Variants in HS6ST2 observed in about 807,000 individuals in gnomAD.
HS6ST2 encodes the protein heparan sulfate 6-O-sulfotransferase 2.
Under a neutral mutation model 33.0 loss-of-function variants are expected in HS6ST2, and 17 were observed. The ratio of observed to expected loss-of-function variants is 0.52; its 90% CI spans 0.35 to 0.77. The LOEUF (loss-of-function observed/expected upper bound fraction) is 0.77, where lower values mean the gene tolerates loss of function less well. Among genes scored for constraint, HS6ST2 ranks in the 30% least tolerant of loss-of-function variants. HS6ST2 has a pLI of 0.01. For synonymous variants in HS6ST2, 248 were observed against 237.1 expected, an observed-to-expected ratio of 1.05 and a Z score of -0.42; for missense variants, 519 against 551.7, an observed-to-expected ratio of 0.94 and a Z score of 0.59.
chrX:132,651,766 T>C (rs2063694448), intron 4 of HS6ST2, among the ~76,000 whole-genome samples: 1 of 111,679 alleles, frequency 9.0e-6, no homozygotes, highest in Non-Finnish European at 1.9e-5. Context: ...AGTTCACTGC[T>C]GGGCCTGCCT....
intron 2 of HS6ST2, among the ~76,000 whole-genome samples, chrX:132,862,614 T>C (rs1428061214): frequency 8.9e-6 from 1 of 112,371 alleles, no homozygotes; most frequent in African/African-American, 3.2e-5. Flanking sequence ...CTAAACAAAA[T>C]TAAAACTTTA....
intron 2 of HS6ST2, chrX:132,708,699 G>A (rs1017782009): frequency 1.1e-5 from 4 of 364,144 alleles, no homozygotes; most frequent in African/African-American, 1.1e-4. Context: ...AGGCTAAAAG[G>A]GGCAAGGCTG....
At chrX:132,930,094 C>CA (rs1451983509) in intron 2 of HS6ST2, among the ~76,000 whole-genome samples, 3 of 111,574 alleles carry the variant, frequency 2.7e-5, no homozygotes, top group Non-Finnish European at 5.6e-5. Flanking sequence ...CCAATTGTGG[C>CA]AAGTAGCCCA....
At chrX:132,811,812 T>G (rs896116548) in intron 2 of HS6ST2, among the ~76,000 whole-genome samples, 5 of 100,744 alleles carry the variant, frequency 5.0e-5, no homozygotes, top group African/African-American at 1.8e-4. Flanking sequence ...CCTCATGTAT[T>G]TATTATCCTT....
At position 132,774,191 on chromosome X, in the gene HS6ST2, C is replaced by T. The variant is rs150937585; in HGVS notation, c.948-65697G>A. 3.0e-4 allele frequency among the ~76,000 whole-genome samples: 34 copies of T among 112,047 alleles called. No individual in the cohort carries two copies. The East Asian group carries it at 9.3e-3, about 31-fold the overall frequency. On this transcript the variant is annotated intron_variant, in intron 2 of 4. Coordinates refer to ENST00000370833, the MANE Select transcript of HS6ST2 (RefSeq NM_001394073.1). Reference sequence around the variant, plus strand: ...AGAATGGACATAACAAAGTCCCTGCCCTCATAAATTTCACATTCCGAGGAC... The same window carrying T: ...AGAATGGACATAACAAAGTCCCTGCTCTCATAAATTTCACATTCCGAGGAC...
intron 2 of HS6ST2, among the ~76,000 whole-genome samples, chrX:132,880,209 C>T (rs1402980690): frequency 4.5e-5 from 5 of 111,370 alleles, no homozygotes; most frequent in African/African-American, 6.5e-5. Context: ...CTCTCTACTG[C>T]CCCCAACCAA....
intron 2 of HS6ST2, among the ~76,000 whole-genome samples, chrX:132,869,399 C>T (rs772245197): frequency 1.8e-5 from 2 of 111,906 alleles, no homozygotes; most frequent in Non-Finnish European, 3.8e-5. Flanking sequence ...AGAGGGACGC[C>T]TCCCTAACTC....
In HS6ST2 at chrX:132,723,057, CA is replaced by C. The variant is rs1285070260; in HGVS notation, c.948-14564del. Reference sequence around the variant, plus strand: ...GTGGCCAGTATGAGCAAGTATATGCCAAAAAATTGGAAAATCCAGAAGAAAT... The same window carrying C: ...GTGGCCAGTATGAGCAAGTATATGCCAAAAATTGGAAAATCCAGAAGAAAT... On this transcript the variant is annotated intron_variant, in intron 2 of 4. Coordinates refer to ENST00000370833, the MANE Select transcript of HS6ST2 (RefSeq NM_001394073.1). Among the ~76,000 whole-genome samples the C allele has an allele frequency of 3.6e-5, 4 of 110,737 alleles. No homozygotes were observed. The Admixed American group carries it at 3.8e-4, about 11-fold the overall frequency.
At chrX:132,671,556 A>G (rs1019935855) in intron 3 of HS6ST2, among the ~76,000 whole-genome samples, 1 of 107,736 alleles carries the variant, frequency 9.3e-6, no homozygotes, top group African/African-American at 3.4e-5. Flanking sequence ...GACCCTGTTT[A>G]AGCTCAATGC....
At chrX:132,810,790 G>A (rs2065333323) in intron 2 of HS6ST2, among the ~76,000 whole-genome samples, 1 of 112,175 alleles carries the variant, frequency 8.9e-6, no homozygotes, top group Non-Finnish European at 1.9e-5. Flanking sequence ...TTGAGGATGA[G>A]AGGCCACGTA....
At chrX:132,879,338 T>C (rs2066141382) in intron 2 of HS6ST2, among the ~76,000 whole-genome samples, 1 of 111,780 alleles carries the variant, frequency 8.9e-6, no homozygotes, top group Non-Finnish European at 1.9e-5. Context: ...CAGCCACCCA[T>C]CATAGAAATC....
At chrX:132,875,165 CAGATTGG>C (rs1273879368) in intron 2 of HS6ST2, among the ~76,000 whole-genome samples, 1 of 112,020 alleles carries the variant, frequency 8.9e-6, no homozygotes, top group Non-Finnish European at 1.9e-5. Context: ...GGAAGGAGTT[CAGATTGG>C]AGACTATGGT....
At chrX:132,759,630 T>G (rs975435398) in intron 2 of HS6ST2, among the ~76,000 whole-genome samples, 2 of 111,383 alleles carry the variant, frequency 1.8e-5, no homozygotes, top group African/African-American at 3.3e-5. Context: ...TGCCACTGAA[T>G]AGTATAATTT....
chrX:132,649,924 T>C (rs752619068), intron 4 of HS6ST2, among the ~76,000 whole-genome samples: 2 of 108,444 alleles, frequency 1.8e-5, no homozygotes, highest in East Asian at 2.9e-4. Context: ...CTTAGAGAGG[T>C]GAAGTAATAA....
At chrX:132,629,173 T>C (rs2063500546) in intron 4 of HS6ST2, 80 bp from the exon 5 acceptor site, 1 of 1,043,301 alleles carries the variant, frequency 9.6e-7, no homozygotes, top group Non-Finnish European at 1.3e-6. Flanking sequence ...GCATATGTGG[T>C]GTTCACTGGC....
intron 2 of HS6ST2, among the ~76,000 whole-genome samples, chrX:132,949,664 A>T (rs923415254): frequency 9.0e-6 from 1 of 111,417 alleles, no homozygotes; most frequent in African/African-American, 3.3e-5. Context: ...CAGCTTAGTA[A>T]AACATTATTT....
At chrX:132,807,478 T>C (rs1170212290) in intron 2 of HS6ST2, among the ~76,000 whole-genome samples, 1 of 104,202 alleles carries the variant, frequency 9.6e-6, no homozygotes, top group Non-Finnish European at 2.1e-5. Flanking sequence ...GGGAGATTAG[T>C]GCTGTCAGGG....
chrX:132,957,384 C>T (rs1300180320), intron 1 of HS6ST2, 58 bp from the exon 2 acceptor site: 6 of 1,081,947 alleles, frequency 5.5e-6, no homozygotes, highest in African/African-American at 1.9e-5. Context: ...GCTCGTCGTG[C>T]CCCCGCACCG....
At chrX:132,783,579 G>A (rs933383632) in intron 2 of HS6ST2, among the ~76,000 whole-genome samples, 2 of 110,847 alleles carry the variant, frequency 1.8e-5, no homozygotes, top group African/African-American at 6.6e-5. Flanking sequence ...TCCCTGGCAG[G>A]GCAAATTTCC....
Sources: gnomAD v4.1 joint callset for allele counts (sites outside exome capture counted in the v4.1 genomes callset) on GRCh38, gnomAD v4.1.1 for gene constraint, MANE v1.5 for transcripts, NCBI Gene and HGNC (gene_info 2026-07-23, HGNC 2026-07-21) for gene names.